The following RHOBTB1 variants were observed in gnomAD, a reference collection of about 807,000 sequenced individuals.
RHOBTB1 encodes the protein Rho related BTB domain containing 1.
In RHOBTB1, 40 loss-of-function variants were observed where a neutral mutation model predicts 71.6. The observed-to-expected ratio is 0.56, with a 90% confidence interval of 0.43 to 0.73. The LOEUF is 0.73. Among genes scored for constraint, RHOBTB1 ranks in the 30% least tolerant of loss-of-function variants. The probability of loss-of-function intolerance (pLI) is 0.00; values close to 1 mark genes in which losing one functional copy is unlikely to be tolerated. For missense variants in RHOBTB1, 797 were observed against 894.0 expected (o/e 0.89, Z 1.38); for synonymous variants, 319 against 334.9 (o/e 0.95, Z 0.52).
chr10:60,914,893 AC>A (rs1589284792), intron 2 of RHOBTB1, among the ~76,000 whole-genome samples: 1 of 152,178 alleles, frequency 6.6e-6, no homozygotes, highest in Admixed American at 6.5e-5. Flanking sequence ...AAAGGTGCTG[AC>A]CCTTGTGCAA....
chr10:60,994,685 C>T (rs968887380), intron 1 of RHOBTB1, among the ~76,000 whole-genome samples: 1 of 152,012 alleles, frequency 6.6e-6, no homozygotes, highest in Non-Finnish European at 1.5e-5. Flanking sequence ...ATATTTGAGT[C>T]TACTATCTTT....
chr10:60,943,184 G>C (rs1394253353), intron 1 of RHOBTB1, among the ~76,000 whole-genome samples: 1 of 152,208 alleles, frequency 6.6e-6, no homozygotes, highest in Non-Finnish European at 1.5e-5. Flanking sequence ...TGTGCTTGGC[G>C]CTCCCTTCTA....
At position 60,884,060 on chromosome 10, in the gene RHOBTB1, T is replaced by C. The variant is rs78256533; in HGVS notation, c.1575+2052A>G. On this transcript the variant is annotated intron_variant, in intron 7 of 10. Transcript: ENST00000337910. ...TAGACACCATAAGAGGCCATCAGGATAACTCTAATATTTTTTCCCTGAAAA... is the reference window on the plus strand; with the variant it reads ...TAGACACCATAAGAGGCCATCAGGACAACTCTAATATTTTTTCCCTGAAAA... Among the ~76,000 whole-genome samples the C allele has an allele frequency of 3.7e-3, 570 of 152,322 alleles. 6 individuals carry two copies. The highest frequency in any genetic ancestry group is 0.013 in the African/African-American group (547 of 41,568).
chr10:60,918,344 T>C (rs2083378705), intron 2 of RHOBTB1, among the ~76,000 whole-genome samples: 1 of 152,156 alleles, frequency 6.6e-6, no homozygotes, highest in Non-Finnish European at 1.5e-5. Flanking sequence ...CAACCTTCAG[T>C]CTTTGCCTTG....
intron 1 of RHOBTB1, among the ~76,000 whole-genome samples, chr10:61,000,894 G>A (rs1351971383): frequency 6.6e-6 from 1 of 152,002 alleles, no homozygotes; most frequent in Non-Finnish European, 1.5e-5. Flanking sequence ...AATCAATCCC[G>A]CATCACCTTA....
intron 4 of RHOBTB1, among the ~76,000 whole-genome samples, chr10:60,903,964 T>A (rs2082536740): frequency 6.6e-6 from 1 of 152,140 alleles, no homozygotes; most frequent in South Asian, 2.1e-4. Flanking sequence ...ATATTTCTTT[T>A]CTTTTCTTTT....
intron 2 of RHOBTB1, among the ~76,000 whole-genome samples, chr10:60,930,788 A>G (rs1393294818): frequency 6.6e-6 from 1 of 151,922 alleles, no homozygotes; most frequent in Non-Finnish European, 1.5e-5. Flanking sequence ...AGGACCTGGG[A>G]TCTCTTCCCT....
At chr10:60,997,798 C>A (rs966874363) in intron 1 of RHOBTB1, among the ~76,000 whole-genome samples, 1 of 152,188 alleles carries the variant, frequency 6.6e-6, no homozygotes, top group Admixed American at 6.5e-5. Flanking sequence ...TGCTGCTACT[C>A]AGGATTGGTC....
At chr10:60,874,910 C>A in intron 9 of RHOBTB1, 44 bp downstream of exon 9, 1 of 1,294,346 alleles carries the variant, frequency 7.7e-7, no homozygotes, top group East Asian at 2.3e-5. Context: ...ATTAAATGAA[C>A]TGATTGAACA....
At chr10:60,937,451 A>G (rs1225100702) in intron 2 of RHOBTB1, among the ~76,000 whole-genome samples, 1 of 152,232 alleles carries the variant, frequency 6.6e-6, no homozygotes, top group Non-Finnish European at 1.5e-5. Context: ...TCTACTGGCA[A>G]TAATATTCTC....
rs534865194 is a variant in RHOBTB1 at position 60,906,006 on chromosome 10, A to G, written c.296+4881T>C. On this transcript the variant is annotated intron_variant, in intron 4 of 10. Coordinates refer to ENST00000337910, the MANE Select transcript of RHOBTB1 (RefSeq NM_014836.5). ...GTAACTTCAACATGAAACTAGACAT[A>G]CAGAAACCATAGCTCTGATTAATGT... Among the ~76,000 whole-genome samples, 104 of 152,332 alleles carry G rather than the reference A, an allele frequency of 6.8e-4. 1 individual carries two copies. Among genetic ancestry groups the G allele is most frequent in the African/African-American group, 2.4e-3 (101 of 41,576 alleles).
chr10:60,882,691 A>G (rs1589170674), intron 7 of RHOBTB1, among the ~76,000 whole-genome samples: 1 of 152,128 alleles, frequency 6.6e-6, no homozygotes, highest in Admixed American at 6.6e-5. Flanking sequence ...GTGGCCTACA[A>G]CAGCCAAATC....
At chr10:60,872,340 C>T (rs536040596) in intron 9 of RHOBTB1, 50 bp from the exon 10 acceptor site, 7 of 1,351,964 alleles carry the variant, frequency 5.2e-6, no homozygotes, top group Admixed American at 1.7e-5. Flanking sequence ...TAAAGAGGGG[C>T]TACAAAGAAA....
chr10:60,920,133 C>A (rs1423157784), intron 2 of RHOBTB1, among the ~76,000 whole-genome samples: 1 of 151,012 alleles, frequency 6.6e-6, no homozygotes, highest in African/African-American at 2.5e-5. Flanking sequence ...GTGCCCTTAA[C>A]TCACCTGCTG....
At chr10:60,882,974 C>T (rs1311227351) in intron 7 of RHOBTB1, among the ~76,000 whole-genome samples, 1 of 152,160 alleles carries the variant, frequency 6.6e-6, no homozygotes, top group African/African-American at 2.4e-5. Flanking sequence ...GCCTTCTCTG[C>T]CCTTTGACAA....
At chr10:60,989,457 G>A (rs550833226) in intron 1 of RHOBTB1, among the ~76,000 whole-genome samples, 1 of 152,168 alleles carries the variant, frequency 6.6e-6, no homozygotes, top group Non-Finnish European at 1.5e-5. Flanking sequence ...AAGATACGTT[G>A]ATACTTGTTG....
intron 2 of RHOBTB1, among the ~76,000 whole-genome samples, chr10:60,985,605 A>T (rs925049613): frequency 1.3e-5 from 2 of 152,224 alleles, no homozygotes; most frequent in African/African-American, 4.8e-5. Context: ...ATCAAAACTC[A>T]TATGTAGGTC....
chr10:60,877,485 A>T (rs2081100919), intron 8 of RHOBTB1, among the ~76,000 whole-genome samples: 1 of 152,212 alleles, frequency 6.6e-6, no homozygotes, highest in Admixed American at 6.5e-5. Flanking sequence ...TCAGGGTTTG[A>T]TCTTAGGCAA....
chr10:60,989,264 CAAGT>C (rs2086775312), intron 1 of RHOBTB1, among the ~76,000 whole-genome samples: 1 of 152,038 alleles, frequency 6.6e-6, no homozygotes, highest in African/African-American at 2.4e-5. Flanking sequence ...TTATAAAAAT[CAAGT>C]AAGTATTTAA....
Sources: allele counts gnomAD v4.1 joint callset (sites outside exome capture counted in the v4.1 genomes callset), GRCh38; gene constraint gnomAD v4.1.1; transcripts MANE v1.5; gene names NCBI Gene and HGNC (gene_info 2026-07-23, HGNC 2026-07-21).